The following CSNK1G1 variants were observed in gnomAD, a reference collection of about 807,000 sequenced individuals.
CSNK1G1 encodes casein kinase I isoform gamma-1.
CSNK1G1 carries 22 observed loss-of-function variants against 59.6 expected under a neutral mutation model. The observed-to-expected ratio is 0.37, with a 90% CI of 0.26 to 0.53. CSNK1G1 has a LOEUF of 0.53. Ranked by LOEUF, CSNK1G1 falls within the 20% of genes least tolerant of loss-of-function variation. CSNK1G1 has a pLI of 0.89. For missense variants in CSNK1G1, 384 were observed against 519.5 expected (o/e 0.74, Z 2.54); for synonymous variants, 179 against 177.1 (o/e 1.01, Z -0.08).
At chr15:64,343,208 A>AACACACAC (rs3057760) in intron 1 of CSNK1G1, among the ~76,000 whole-genome samples, 1,778 of 110,020 alleles carry the variant, frequency 0.016, 48 homozygotes, top group African/African-American at 0.054. Flanking sequence ...GCAAAACTCC[A>AACACACAC]ACACACACAC....
chr15:64,261,803 C>T lies in CSNK1G1; in HGVS notation c.182-2562G>A, dbSNP rs146654842. On this transcript the variant is annotated intron_variant, in intron 2 of 11. Coordinates refer to ENST00000303052, the MANE Select transcript of CSNK1G1 (RefSeq NM_022048.5). ...ACTAAAAATACAAAAATTAGGCAGGCGTGGTAGTGTGCACCTGTAATCCCA... is the reference window on the plus strand; with the variant it reads ...ACTAAAAATACAAAAATTAGGCAGGTGTGGTAGTGTGCACCTGTAATCCCA... Among the ~76,000 whole-genome samples the T allele has an allele frequency of 9.6e-3, 1,447 of 149,968 alleles. 22 individuals are homozygous for T. The highest frequency in any genetic ancestry group is 0.034 in the African/African-American group (1,389 of 40,742).
intron 10 of CSNK1G1, among the ~76,000 whole-genome samples, chr15:64,196,672 G>A (rs1476931759): frequency 1.3e-5 from 2 of 151,788 alleles, no homozygotes; most frequent in African/African-American, 2.4e-5. Flanking sequence ...GGCTGGTCTC[G>A]AACTCTCGAC....
chr15:64,273,473 A>G (rs750757607), intron 2 of CSNK1G1, among the ~76,000 whole-genome samples: 3 of 152,216 alleles, frequency 2.0e-5, no homozygotes, highest in Non-Finnish European at 2.9e-5. Flanking sequence ...AAGGTGCTAG[A>G]TAAGTCTAAT....
chr15:64,216,389 G>C lies in CSNK1G1; in HGVS notation c.444+173C>G, dbSNP rs2082311938. On this transcript the variant is annotated intron_variant, in intron 5 of 11. Coordinates refer to ENST00000303052, the MANE Select transcript of CSNK1G1 (RefSeq NM_022048.5). The surrounding 1 kb of genome is among the most constrained non-coding windows in gnomAD (Gnocchi z 4.6). ...TAAAATAGAGCAAATTGCAGATGTA[G>C]TGTGACTTCTCTGAATTTACCCTTT... Among the ~76,000 whole-genome samples the C allele has an allele frequency of 2.0e-5, 3 of 152,128 alleles. No homozygotes were observed.
intron 10 of CSNK1G1, among the ~76,000 whole-genome samples, chr15:64,183,800 A>AT (rs1241607551): frequency 6.8e-6 from 1 of 146,962 alleles, no homozygotes; most frequent in East Asian, 2.0e-4. Context: ...CAGTGGCGTG[A>AT]TCTTGGCTCA....
rs116714673 is a variant in CSNK1G1, at chr15:64,262,645, C to A, written c.182-3404G>T. ...TGGGTACTTGGAAGTGTGCCAAGGC[C>A]TTTGTGCACTAAGCTACAGGACAAG... On this transcript the variant is annotated intron_variant, in intron 2 of 11. Transcript: ENST00000303052. 8.4e-3 allele frequency among the ~76,000 whole-genome samples: 1,276 copies of A among 152,234 alleles called. 18 individuals are homozygous for A. The highest frequency in any genetic ancestry group is 0.029 in the African/African-American group (1,197 of 41,534).
rs1895256452 is a variant in CSNK1G1 at position 64,300,306 on chromosome 15, A to T, written c.181+13T>A. ...GTTGTTAGTAGAAGTCACTGACATA[A>T]CCAAGTGCTTACCTAATCTGAGCTC... On this transcript the variant is annotated intron_variant, in intron 2 of 11. Coordinates refer to ENST00000303052, the MANE Select transcript of CSNK1G1 (RefSeq NM_022048.5). The T allele has an allele frequency of 6.2e-7, 1 of 1,613,000 alleles. No individual in the cohort carries two copies. The highest frequency in any genetic ancestry group is 1.3e-5 in the African/African-American group (1 of 74,898).
chr15:64,236,826 G>T (rs2082622487), intron 4 of CSNK1G1, among the ~76,000 whole-genome samples: 1 of 152,120 alleles, frequency 6.6e-6, no homozygotes, highest in Admixed American at 6.5e-5. Context: ...ATATCAAAAA[G>T]ATATCTGTAC....
intron 10 of CSNK1G1, among the ~76,000 whole-genome samples, chr15:64,191,615 C>T (rs2081972050): frequency 6.6e-6 from 1 of 152,120 alleles, no homozygotes; most frequent in African/African-American, 2.4e-5. Context: ...AATACCAAGA[C>T]ATTTTTCAAA....
intron 10 of CSNK1G1, among the ~76,000 whole-genome samples, chr15:64,202,638 G>A (rs1258833245): frequency 1.3e-5 from 2 of 150,890 alleles, no homozygotes; most frequent in Non-Finnish European, 2.9e-5. Context: ...CTGCTGCCTT[G>A]ACTTCCCGGG....
At chr15:64,281,187 G>T (rs1206084072) in intron 2 of CSNK1G1, among the ~76,000 whole-genome samples, 2 of 152,120 alleles carry the variant, frequency 1.3e-5, no homozygotes, top group Non-Finnish European at 2.9e-5. Flanking sequence ...CCAAAGGAAG[G>T]AAATTCTGAT....
At position 64,216,467 on chromosome 15, in the gene CSNK1G1, G is replaced by A. The variant is rs2082312786; in HGVS notation, c.444+95C>T. On this transcript the variant is annotated intron_variant, in intron 5 of 11. Coordinates refer to ENST00000303052, the MANE Select transcript of CSNK1G1 (RefSeq NM_022048.5). The surrounding 1 kb of genome is among the most constrained non-coding windows in gnomAD (Gnocchi z 4.6). ...ATCAAGCCTGTGAGTACTAATTCTTGATGTGTTGCTACGGCTAGTAAATCA... is the reference window on the plus strand; with the variant it reads ...ATCAAGCCTGTGAGTACTAATTCTTAATGTGTTGCTACGGCTAGTAAATCA... The A allele has an allele frequency of 8.1e-7, 1 of 1,240,704 alleles. No individual in the cohort carries two copies. The highest frequency in any genetic ancestry group is 1.1e-6 in the Non-Finnish European group (1 of 874,262). 76.9% of individuals were successfully genotyped at this position (1,240,704 alleles called of 1,614,324 possible).
chr15:64,206,028 C>G (rs1437540381), intron 7 of CSNK1G1, among the ~76,000 whole-genome samples: 3 of 152,154 alleles, frequency 2.0e-5, no homozygotes, highest in Non-Finnish European at 4.4e-5. Context: ...TGTCTTGGGC[C>G]AGGCGCGATG....
At chr15:64,298,259 A>G (rs995720420) in intron 2 of CSNK1G1, among the ~76,000 whole-genome samples, 4 of 152,210 alleles carry the variant, frequency 2.6e-5, no homozygotes. Flanking sequence ...GTTTTTCTTC[A>G]CTTTCACAGA....
In CSNK1G1 at chr15:64,355,990, G is replaced by A. The variant is rs1464313381; in HGVS notation, c.-227C>T. ...CCCCGACGAAGCCGGGCAGATACCT[G>A]GTCCAGCAGTGCTGCAAGGCGCAAA... is the stretch of plus-strand genomic sequence containing the variant. On this transcript the variant is annotated splice_region_variant and 5_prime_UTR_variant, in exon 1 of 12. Coordinates refer to ENST00000303052, the MANE Select transcript of CSNK1G1 (RefSeq NM_022048.5). 2 of 151,282 alleles carry A rather than the reference G, an allele frequency of 1.3e-5. No individual in the cohort carries two copies. Among genetic ancestry groups the A allele is most frequent in the East Asian group, 3.9e-4 (2 of 5,080 alleles). The allele number at this position is 151,282 out of a possible 1,614,324, so 9.4% of individuals were successfully genotyped here. A position where few individuals can be genotyped will look rare whatever the true frequency, so the allele number is the denominator to read the frequency against.
rs767510778 is a variant in CSNK1G1, at chr15:64,251,598, A to C, written c.223-17T>G. On this transcript the variant is annotated splice_polypyrimidine_tract_variant and intron_variant, in intron 3 of 11. Coordinates refer to ENST00000303052, the MANE Select transcript of CSNK1G1 (RefSeq NM_022048.5). ...TATTGGTTCCTGAAATCCAAAAAGA[A>C]AAACTGTGATCAGATTTAAACAAAT... The C allele has an allele frequency of 6.3e-7, 1 of 1,582,018 alleles. No homozygotes were observed. Among genetic ancestry groups the C allele is most frequent in the Non-Finnish European group, 8.7e-7 (1 of 1,152,048 alleles).
chr15:64,319,096 G>T (rs1039388581), intron 1 of CSNK1G1, among the ~76,000 whole-genome samples: 2 of 149,978 alleles, frequency 1.3e-5, no homozygotes, highest in African/African-American at 2.5e-5. Flanking sequence ...AAAGTGATCC[G>T]CCTGCCTCAG....
chr15:64,285,234 T>A (rs954235923), intron 2 of CSNK1G1, among the ~76,000 whole-genome samples: 3 of 152,166 alleles, frequency 2.0e-5, no homozygotes, highest in Admixed American at 1.3e-4. Context: ...ATTATAATCA[T>A]GAAAACCACA....
intron 4 of CSNK1G1, among the ~76,000 whole-genome samples, chr15:64,232,967 T>C (rs1265447869): frequency 6.6e-6 from 1 of 152,230 alleles, no homozygotes; most frequent in African/African-American, 2.4e-5. Context: ...ATCCACCTTT[T>C]TGAAACCTCT....
Sources: allele counts gnomAD v4.1 joint callset (sites outside exome capture counted in the v4.1 genomes callset), GRCh38; gene constraint gnomAD v4.1.1; non-coding constraint Gnocchi (gnomAD v3.1); transcripts MANE v1.5; gene names NCBI Gene and HGNC (gene_info 2026-07-23, HGNC 2026-07-21).